Variants in FES observed in about 807,000 individuals in gnomAD.
FES encodes the protein FES proto-oncogene, tyrosine kinase.
In FES, 83 loss-of-function variants were observed where a neutral mutation model predicts 109.6. The ratio of observed to expected loss-of-function variants is 0.76; its 90% confidence interval spans 0.63 to 0.91. The LOEUF (loss-of-function observed/expected upper bound fraction) is 0.91. FES is among the 40% of genes least tolerant of loss of function. FES has a pLI of 0.00. For synonymous variants in FES, 458 were observed against 442.1 expected (o/e 1.04, Z -0.45); for missense variants, 943 against 1,070.9 (o/e 0.88, Z 1.67).
rs370343752 is a variant in FES, at chr15:90,889,223, C to T, written c.669-83C>T. 10 of 1,560,644 alleles carry T rather than the reference C, an allele frequency of 6.4e-6. No individual in the cohort carries two copies. In the East Asian group the frequency reaches 2.0e-4, roughly 32 times the overall value. ...GCAGGGGTCAACCCCAGCCCTGACT[C>T]CAAACCCAGGGTCCTAGGCCTGAAC... On this transcript the variant is annotated intron_variant, in intron 5 of 18. Transcript: ENST00000328850. The surrounding 1 kb of genome is among the most constrained non-coding windows in gnomAD (Gnocchi z 6.1).
rs368439059 is a variant in FES at position 90,890,300 on chromosome 15, C to T, written c.1236+22C>T. 65 of 1,586,464 alleles carry T rather than the reference C, an allele frequency of 4.1e-5. No homozygotes were observed. The Middle Eastern group carries it at 5.1e-4, about 12-fold the overall frequency. On this transcript the variant is annotated intron_variant, in intron 9 of 18. Transcript: ENST00000328850. ...CTCGGTGAGCTGCCCCATCCGCGGC[C>T]GCTGCCCGCCACCGGCCTGCCCACC...
At chr15:90,886,871 C>A in intron 3 of FES, 90 bp from the exon 4 acceptor site, 2 of 1,243,102 alleles carry the variant, frequency 1.6e-6, no homozygotes, top group South Asian at 1.3e-5. Context: ...CCTTGCCTGA[C>A]GACAGGACCT....
intron 12 of FES, 96 bp from the exon 13 acceptor site, chr15:90,891,962 A>T (rs556374801): frequency 1.4e-6 from 2 of 1,473,548 alleles, no homozygotes; most frequent in South Asian, 1.2e-5. Flanking sequence ...CCCTGGTCAC[A>T]TATGGAGGCG....
At chr15:90,893,228 C>CGCAGCCTGGTCAGGTG in intron 15 of FES, 34 bp downstream of exon 15, 1 of 1,613,344 alleles carries the variant, frequency 6.2e-7, no homozygotes, top group Non-Finnish European at 8.5e-7. Flanking sequence ...AGGTAGGGCG[C>CGCAGCCTGGTCAGGTG]GCAGCCTGGT....
At chr15:90,887,153 C>G (rs200508852) in intron 4 of FES, 34 bp from the exon 5 acceptor site, 2 of 1,611,846 alleles carry the variant, frequency 1.2e-6, no homozygotes, top group Non-Finnish European at 1.7e-6. Flanking sequence ...GGCCTCCATG[C>G]TGTCATCTAT....
intron 11 of FES, 22 bp from the exon 12 acceptor site, chr15:90,891,532 C>G: frequency 6.2e-7 from 1 of 1,613,058 alleles, no homozygotes; most frequent in Non-Finnish European, 8.5e-7. Flanking sequence ...AGGCTGCTGA[C>G]CCCGGGTCCC....
intron 13 of FES, chr15:90,892,359 C>A (rs2033303798): frequency 5.0e-6 from 3 of 596,058 alleles, no homozygotes; most frequent in Non-Finnish European, 9.0e-6. Flanking sequence ...CCCCATCGAG[C>A]TCTTGTGTGC....
chr15:90,890,300 C>A, intron 9 of FES, 22 bp downstream of exon 9: 1 of 1,586,464 alleles, frequency 6.3e-7, no homozygotes, highest in Non-Finnish European at 8.6e-7. Context: ...CATCCGCGGC[C>A]GCTGCCCGCC....
At chr15:90,894,747 C>CA (rs34298047) in intron 18 of FES, among the ~76,000 whole-genome samples, 54,971 of 150,920 alleles carry the variant, frequency 0.36, 11,503 homozygotes, top group East Asian at 0.8. Flanking sequence ...ACCTGGGTGA[C>CA]AGAGAGAGAG....
chr15:90,892,155 C>T, intron 13 of FES, 44 bp downstream of exon 13: 3 of 1,609,398 alleles, frequency 1.9e-6, no homozygotes, highest in Non-Finnish European at 2.5e-6. Context: ...GCGACTTCTC[C>T]TGAGTCGCGC....
chr15:90,891,518 A>T (rs2033213600), intron 11 of FES, 36 bp from the exon 12 acceptor site: 1 of 1,612,274 alleles, frequency 6.2e-7, no homozygotes, highest in African/African-American at 1.3e-5. Flanking sequence ...CCCCCTCAGA[A>T]TGGAGGCTGC....
intron 3 of FES, among the ~76,000 whole-genome samples, chr15:90,885,792 G>A (rs1462954905): frequency 1.3e-5 from 2 of 152,170 alleles, no homozygotes; most frequent in East Asian, 1.9e-4. Context: ...CTTTTTCTGT[G>A]CCTGGGCAAA....
Position 90,887,171 on chromosome 15 carries a change from G to GC in FES, c.485-10dup, listed in dbSNP as rs749916436. On this transcript the variant is annotated splice_polypyrimidine_tract_variant and intron_variant, in intron 4 of 18. Transcript: ENST00000328850. ...CTCCATGCTGTCATCTATACCCCTT[G>GC]CCCCCCTTCTGGCAGACAAGGACCG... 8 of 1,612,180 alleles carry GC rather than the reference G, an allele frequency of 5.0e-6. No individual in the cohort carries two copies. Among genetic ancestry groups the GC allele is most frequent in the Middle Eastern group, 3.3e-4 (2 of 6,078 alleles).
Position 90,885,409 on chromosome 15 carries a change from T to C in FES, c.214-3T>C, listed in dbSNP as rs777761632. On this transcript the variant is annotated splice_region_variant and splice_polypyrimidine_tract_variant and intron_variant, in intron 2 of 18. Transcript: ENST00000328850. ...CCCTGCCTCCCCCATCTGTGCTGTA[T>C]AGTCCTGGGCTGAGATCACCAGCCA... The C allele has an allele frequency of 4.3e-5, 70 of 1,611,636 alleles. No homozygotes were observed. The highest frequency in any genetic ancestry group is 5.6e-5 in the Non-Finnish European group (66 of 1,179,442).
chr15:90,884,574 G>C (rs2032352628), intron 1 of FES, 30 bp downstream of exon 1: 1 of 157,296 alleles, frequency 6.4e-6, no homozygotes, highest in Non-Finnish European at 1.4e-5. Flanking sequence ...CTGGAGGAGC[G>C]GTGGGAGCTG....
At chr15:90,887,121 C>G in intron 4 of FES, 64 bp downstream of exon 4, 1 of 1,612,484 alleles carries the variant, frequency 6.2e-7, no homozygotes, top group South Asian at 1.1e-5. Flanking sequence ...TCCTTGGGTA[C>G]CCAGAGAGTG....
In FES at chr15:90,885,584, A is replaced by C. The variant is rs1349866394; in HGVS notation, c.386A>C (p.Lys129Thr). 6.2e-7 allele frequency: 1 copy of C among 1,612,506 alleles called. No homozygotes were observed. Among genetic ancestry groups the C allele is most frequent in the Non-Finnish European group, 8.5e-7 (1 of 1,179,800 alleles). The change falls in exon 3 of 19, where the codon AAG (lysine) becomes ACG (threonine). Residue 129 changes from lysine (K) to threonine (T), a missense_variant and splice_region_variant. Coordinates refer to ENST00000328850, the MANE Select transcript of FES (RefSeq NM_002005.4). Reference protein sequence around the residue: ...QWQQLQQELTKTHSQDIEKLK... With the variant: ...QWQQLQQELTTTHSQDIEKLK... Reference sequence around the variant, plus strand: ...CAGCAGCTGCAGCAGGAGCTCACCAAGGTGAGCGGGCAGCACTGGGGCTTC... The same window carrying C: ...CAGCAGCTGCAGCAGGAGCTCACCACGGTGAGCGGGCAGCACTGGGGCTTC...
chr15:90,891,390 G>T (rs958707395), intron 11 of FES, 164 bp from the exon 12 acceptor site: 9 of 1,100,266 alleles, frequency 8.2e-6, no homozygotes, highest in Non-Finnish European at 1.2e-5. Flanking sequence ...TCCCCTGGTG[G>T]GGCAGCAGGA....
At chr15:90,885,310 C>T (rs1305565773) in intron 2 of FES, 52 bp downstream of exon 2, 15 of 1,602,340 alleles carry the variant, frequency 9.4e-6, no homozygotes, top group Middle Eastern at 1.7e-4. Flanking sequence ...CCTTCTCCTT[C>T]CTCTCCTGGG....
Sources: gnomAD v4.1 joint callset for allele counts (sites outside exome capture counted in the v4.1 genomes callset) on GRCh38, gnomAD v4.1.1 for gene constraint, Gnocchi (gnomAD v3.1) non-coding constraint, MANE v1.5 for transcripts, NCBI Gene and HGNC (gene_info 2026-07-23, HGNC 2026-07-21) for gene names.